TNNI3K: variants seen among roughly 807,000 people sequenced by gnomAD.
TNNI3K encodes the protein TNNI3 interacting kinase.
TNNI3K carries 140 observed loss-of-function variants against 114.5 expected under a neutral mutation model. The observed-to-expected ratio is 1.22, with a 90% confidence interval of 1.07 to 1.41. The LOEUF is 1.41. TNNI3K is among the 40% of genes most tolerant of loss of function. The probability of loss-of-function intolerance (pLI) is 0.00; values close to 1 mark genes in which losing one functional copy is unlikely to be tolerated. For missense variants in TNNI3K, 1,125 were observed against 1,007.6 expected (o/e 1.12, Z -1.58); for synonymous variants, 347 against 347.5 (o/e 1.00, Z 0.02).
At chr1:74,543,684 C>T (rs1646753373) in intron 24 of TNNI3K, among the ~76,000 whole-genome samples, 1 of 152,200 alleles carries the variant, frequency 6.6e-6, no homozygotes, top group Non-Finnish European at 1.5e-5. Flanking sequence ...ACCTGGCCAG[C>T]TTGGGTCCAA....
chr1:74,241,388 T>C (rs184789169), intron 2 of TNNI3K, among the ~76,000 whole-genome samples: 12 of 152,346 alleles, frequency 7.9e-5, no homozygotes, highest in Admixed American at 2.6e-4. Context: ...TAGTTTACAG[T>C]CCCACCAATG....
At chr1:74,254,733 G>T (rs958166744) in intron 4 of TNNI3K, among the ~76,000 whole-genome samples, 3 of 152,058 alleles carry the variant, frequency 2.0e-5, no homozygotes, top group Admixed American at 6.6e-5. Context: ...TGGATCTCGC[G>T]CAAGAAAGAA....
At chr1:74,256,528 T>C (rs1430904477) in intron 4 of TNNI3K, among the ~76,000 whole-genome samples, 1 of 151,998 alleles carries the variant, frequency 6.6e-6, no homozygotes, top group Non-Finnish European at 1.5e-5. Context: ...AATTCTTTTC[T>C]TGAATATACT....
intron 17 of TNNI3K, among the ~76,000 whole-genome samples, chr1:74,403,178 A>G (rs1375388354): frequency 2.0e-5 from 3 of 152,198 alleles, no homozygotes; most frequent in Non-Finnish European, 4.4e-5. Flanking sequence ...ATAATTCTGG[A>G]GTCACATCTC....
intron 17 of TNNI3K, chr1:74,416,346 T>A (rs1665114452): frequency 1.0e-6 from 1 of 985,062 alleles, no homozygotes; most frequent in African/African-American, 1.7e-5. Context: ...GCTACACTAA[T>A]GATGGAGAGT....
At chr1:74,339,283 C>T (rs748309982) in intron 7 of TNNI3K, among the ~76,000 whole-genome samples, 16 of 152,178 alleles carry the variant, frequency 1.1e-4, no homozygotes, top group East Asian at 3.9e-4. Context: ...AGTCAAGAGA[C>T]GGCGTGACTC....
intron 17 of TNNI3K, among the ~76,000 whole-genome samples, chr1:74,410,915 T>A (rs112270497): frequency 1.3e-5 from 2 of 152,312 alleles, no homozygotes; most frequent in African/African-American, 2.4e-5. Context: ...TTGTGTCCTG[T>A]GGTGATTAAG....
chr1:74,271,091 A>AT (rs1656315922), intron 4 of TNNI3K, among the ~76,000 whole-genome samples: 1 of 151,758 alleles, frequency 6.6e-6, no homozygotes, highest in Admixed American at 6.6e-5. Context: ...ATTATTTATT[A>AT]GTAAGAAGAA....
chr1:74,397,811 A>C (rs1664162699), intron 17 of TNNI3K, among the ~76,000 whole-genome samples: 1 of 152,228 alleles, frequency 6.6e-6, no homozygotes, highest in South Asian at 2.1e-4. Flanking sequence ...GGAAACAAAC[A>C]ATCTTTATGT....
At chr1:74,489,365 T>A in intron 22 of TNNI3K, 117 bp downstream of exon 22, 6 of 1,015,688 alleles carry the variant, frequency 5.9e-6, no homozygotes, top group Non-Finnish European at 7.2e-6. Flanking sequence ...CATAACTCCA[T>A]CCATATTTGC....
intron 3 of TNNI3K, 81 bp downstream of exon 3, chr1:74,249,625 A>G: frequency 7.3e-7 from 1 of 1,363,324 alleles, no homozygotes. Flanking sequence ...ATAGTCTGCA[A>G]AAGAATTCTA....
At chr1:74,458,961 C>T (rs1477112499) in intron 20 of TNNI3K, among the ~76,000 whole-genome samples, 1 of 152,056 alleles carries the variant, frequency 6.6e-6, no homozygotes, top group African/African-American at 2.4e-5. Context: ...TCTTTATGTC[C>T]ATGTGTACCC....
At chr1:74,326,413 A>C (rs1659907309) in intron 5 of TNNI3K, among the ~76,000 whole-genome samples, 1 of 150,390 alleles carries the variant, frequency 6.6e-6, no homozygotes, top group Non-Finnish European at 1.5e-5. Flanking sequence ...ATACTGTAGC[A>C]AAAACATTTA....
chr1:74,379,573 G>A (rs1045263053), intron 17 of TNNI3K, among the ~76,000 whole-genome samples: 1 of 152,020 alleles, frequency 6.6e-6, no homozygotes, highest in African/African-American at 2.4e-5. Context: ...CAGTCTGTCT[G>A]TCTGTCCTCA....
At chr1:74,253,990 C>A (rs1655123244) in intron 4 of TNNI3K, among the ~76,000 whole-genome samples, 1 of 152,206 alleles carries the variant, frequency 6.6e-6, no homozygotes, top group Admixed American at 6.5e-5. Context: ...CTTGACAGAA[C>A]TACTCCAGTA....
chr1:74,419,049 A>G (rs949186375), intron 17 of TNNI3K, among the ~76,000 whole-genome samples: 4 of 152,090 alleles, frequency 2.6e-5, no homozygotes, highest in Admixed American at 6.6e-5. Flanking sequence ...GTAACAAATT[A>G]TCAAAAGTTG....
chr1:74,522,240 G>C (rs2100416348), intron 23 of TNNI3K, among the ~76,000 whole-genome samples: 1 of 152,300 alleles, frequency 6.6e-6, no homozygotes, highest in African/African-American at 2.4e-5. Flanking sequence ...TTCAAAGAGA[G>C]ACATTTAGGA....
chr1:74,524,239 T>A (rs997394356), intron 23 of TNNI3K, among the ~76,000 whole-genome samples: 3 of 152,046 alleles, frequency 2.0e-5, no homozygotes, highest in Non-Finnish European at 4.4e-5. Context: ...TTCTGAAGAG[T>A]CTGTTGGGAA....
At position 74,342,662 on chromosome 1, in the gene TNNI3K, CAATAG is replaced by C. The variant is rs1660805839; in HGVS notation, c.683-175_683-171del. ...GAAACCTGTTTAATGTGGTAGTAGG[CAATAG>C]AATAACATTAAAATTTTAAAAATTG... On this transcript the variant is annotated intron_variant, in intron 7 of 24. Transcript: ENST00000326637. 1.3e-5 allele frequency among the ~76,000 whole-genome samples: 2 copies of C among 152,058 alleles called. 1 individual carries two copies. The highest frequency in any genetic ancestry group is 2.9e-5 in the Non-Finnish European group (2 of 68,008).
Sources: gnomAD v4.1 joint callset for allele counts (sites outside exome capture counted in the v4.1 genomes callset) on GRCh38, gnomAD v4.1.1 for gene constraint, MANE v1.5 for transcripts, NCBI Gene and HGNC (gene_info 2026-07-23, HGNC 2026-07-21) for gene names.